ZNF257: variants seen among roughly 807,000 people sequenced by gnomAD.
ZNF257 encodes the protein zinc finger protein 257, also known as bone marrow zinc finger 4.
A neutral mutation model predicts 11.9 loss-of-function variants in ZNF257; 12 were observed. The ratio of observed to expected loss-of-function variants is 1.01; its 90% CI spans 0.65 to 1.63. The LOEUF (loss-of-function observed/expected upper bound fraction) is 1.63. Ranked by LOEUF, ZNF257 falls within the 40% of genes most tolerant of loss-of-function variation. ZNF257 has a pLI of 0.00. For missense variants in ZNF257, 580 were observed against 665.5 expected, an observed-to-expected ratio of 0.87 and a Z score of 1.41; for synonymous variants, 183 against 222.7, an observed-to-expected ratio of 0.82 and a Z score of 1.59.
rs764655818 is a variant in ZNF257 at position 22,089,226 on chromosome 19, T to C, written c.1476T>C (p.Cys492=). 2 of 1,613,904 alleles carry C rather than the reference T, an allele frequency of 1.2e-6. No homozygotes were observed. The highest frequency in any genetic ancestry group is 2.2e-5 in the East Asian group (1 of 44,864). ...TGEKPYKCEE[C]GKAFNRSSHL... is the part of the protein sequence containing the mutation. ...AGAAGCCCTACAAATGTGAAGAATG[T>C]GGCAAAGCCTTTAACCGGTCTTCAC... The change falls in exon 4 of 4, where the codon TGT becomes TGC. Residue 492 remains cysteine (C), a synonymous_variant. Transcript: ENST00000594947.
intron 3 of ZNF257, among the ~76,000 whole-genome samples, chr19:22,081,436 TTAAC>T (rs953445552): frequency 1.3e-5 from 2 of 152,110 alleles, no homozygotes; most frequent in African/African-American, 4.8e-5. Context: ...TTCAGCCTAT[TTAAC>T]TAAATTCTAA....
chr19:22,086,988 T>C (rs1741027427), intron 3 of ZNF257, among the ~76,000 whole-genome samples: 1 of 152,008 alleles, frequency 6.6e-6, no homozygotes, highest in Admixed American at 6.5e-5. Flanking sequence ...CTCTTTGTAT[T>C]ATTTACCTCC....
intron 1 of ZNF257, among the ~76,000 whole-genome samples, chr19:22,059,563 T>C (rs2021736152): frequency 1.3e-5 from 2 of 151,508 alleles, no homozygotes; most frequent in South Asian, 4.2e-4. Context: ...CTGGGATTAC[T>C]GTCTCTACAT....
At chr19:22,067,306 A>T (rs1290124056) in intron 1 of ZNF257, among the ~76,000 whole-genome samples, 3 of 152,066 alleles carry the variant, frequency 2.0e-5, no homozygotes, top group Non-Finnish European at 4.4e-5. Flanking sequence ...AAACCCAATC[A>T]GAGTAATATG....
At chr19:22,056,054 CA>C (rs139730834) in intron 1 of ZNF257, among the ~76,000 whole-genome samples, 25,509 of 116,430 alleles carry the variant, frequency 0.22, 2,470 homozygotes, top group African/African-American at 0.35. Context: ...GACTCCGTCT[CA>C]AAAAAAAAAA....
intron 1 of ZNF257, 117 bp from the exon 2 acceptor site, chr19:22,072,692 C>T (rs2022131155): frequency 2.4e-6 from 3 of 1,274,372 alleles, no homozygotes; most frequent in Non-Finnish European, 3.2e-6. Flanking sequence ...ATTTTGGTCA[C>T]TCCAATAAGG....
rs376879531 is a variant in ZNF257 at position 22,089,074 on chromosome 19, C to T, written c.1324C>T (p.Arg442Trp). Residue 442 changes from arginine (R) to tryptophan (W), a missense_variant, in exon 4 of 4, where the codon CGG (arginine) becomes TGG (tryptophan). Arg to Trp is a moderately radical substitution (Grantham distance 101). Transcript: ENST00000594947. ...KCEECGKAFN[R>W]SSYLIRHKII... ...TGAAGAGTGTGGCAAAGCCTTTAAC[C>T]GGTCTTCATACCTTATTCGACATAA... The T allele has an allele frequency of 3.5e-5, 56 of 1,612,916 alleles. No individual in the cohort carries two copies. The highest frequency in any genetic ancestry group is 3.3e-4 in the Middle Eastern group (2 of 6,064).
At chr19:22,056,066 A>AAAAG (rs2021628436) in intron 1 of ZNF257, among the ~76,000 whole-genome samples, 1 of 151,812 alleles carries the variant, frequency 6.6e-6, no homozygotes, top group African/African-American at 2.4e-5. Context: ...AAAAAAAAAA[A>AAAAG]AAAAAGAAAA....
chr19:22,069,128 A>G (rs1412478411), intron 1 of ZNF257, among the ~76,000 whole-genome samples: 1 of 152,132 alleles, frequency 6.6e-6, no homozygotes, highest in African/African-American at 2.4e-5. Flanking sequence ...GAACAGTTAA[A>G]CTAAATGCTT....
Position 22,088,362 on chromosome 19 carries a change from A to T in ZNF257, c.612A>T (p.Glu204Asp). The stretch of plus-strand genomic sequence containing the variant: ...TTAGAGAGAATTCCCACAAATGTGA[A>T]GAATGTGGCAAAGCCTTTAACCAGT... ...IHIRENSHKC[E>D]ECGKAFNQSS... Residue 204 changes from glutamate (E) to aspartate (D), a missense_variant, in exon 4 of 4, where the codon GAA becomes GAT. Physicochemically the swap from Glu to Asp is conservative, Grantham distance 45. Coordinates refer to ENST00000594947, the MANE Select transcript of ZNF257 (RefSeq NM_033468.4). The T allele has an allele frequency of 6.2e-7, 1 of 1,613,774 alleles. No individual in the cohort carries two copies. Among genetic ancestry groups the T allele is most frequent in the Non-Finnish European group, 8.5e-7 (1 of 1,179,848 alleles).
intron 1 of ZNF257, chr19:22,063,981 TTA>T (rs2021873491): frequency 6.6e-6 from 1 of 152,244 alleles, no homozygotes; most frequent in African/African-American, 2.4e-5. Flanking sequence ...TGTGTCAGAA[TTA>T]AAGTCTCTTC....
Position 22,088,844 on chromosome 19 carries a change from T to G in ZNF257, c.1094T>G (p.Ile365Ser), listed in dbSNP as rs970680330. ...TCACACCTTACTCAACATAAGATAA[T>G]TCATACTAAAGAGAAACCCTACAAA... Reference protein sequence around the residue: ...RSSHLTQHKIIHTKEKPYKCE... With the variant: ...RSSHLTQHKISHTKEKPYKCE... Residue 365 changes from isoleucine (I) to serine (S), a missense_variant, in exon 4 of 4, where the codon ATT (isoleucine) becomes AGT (serine). Transcript: ENST00000594947. 1.9e-6 allele frequency: 3 copies of G among 1,612,488 alleles called. No homozygotes were observed. In the African/African-American group the frequency reaches 4.0e-5, roughly 22 times the overall value.
Position 22,068,915 on chromosome 19 carries a change from A to G in ZNF257, c.4-3894A>G, listed in dbSNP as rs900662502. Among the ~76,000 whole-genome samples, 4 of 152,154 alleles carry G rather than the reference A, an allele frequency of 2.6e-5. No homozygotes were observed. In the East Asian group the frequency reaches 7.7e-4, roughly 29 times the overall value. On this transcript the variant is annotated intron_variant, in intron 1 of 3. Coordinates refer to ENST00000594947, the MANE Select transcript of ZNF257 (RefSeq NM_033468.4). ...GCACACGGTCACTGGGAATCCTCTCAGAATCACCTAGGTGTCTTTGAGACA... is the reference window on the plus strand; with the variant it reads ...GCACACGGTCACTGGGAATCCTCTCGGAATCACCTAGGTGTCTTTGAGACA...
rs1555756629 is a variant in ZNF257, at chr19:22,054,075, C to CCT, written c.3+1440_3+1441insCT. 3.3e-3 allele frequency among the ~76,000 whole-genome samples: 291 copies of CCT among 88,200 alleles called. 1 individual carries two copies. The highest frequency in any genetic ancestry group is 0.018 in the African/African-American group (238 of 13,038). The allele number at this position is 88,200 out of a possible 152,430, so 57.9% of individuals were successfully genotyped here. Reference sequence around the variant, plus strand: ...ACTAATTTTCCGCTGATTTGTTTTTCTTTTTTTTTTTTTTTAAGAAGGAGT... The same window carrying CCT: ...ACTAATTTTCCGCTGATTTGTTTTTCCTTTTTTTTTTTTTTTTAAGAAGGAGT... On this transcript the variant is annotated intron_variant, in intron 1 of 3. Transcript: ENST00000594947.
intron 1 of ZNF257, among the ~76,000 whole-genome samples, chr19:22,070,332 C>T (rs2022071454): frequency 6.7e-6 from 1 of 149,378 alleles, no homozygotes; most frequent in South Asian, 2.1e-4. Context: ...TTATTCTATA[C>T]ATTTTATAAA....
intron 1 of ZNF257, among the ~76,000 whole-genome samples, chr19:22,057,526 A>C (rs980752283): frequency 2.6e-5 from 4 of 152,102 alleles, no homozygotes; most frequent in Non-Finnish European, 5.9e-5. Context: ...AGAAGGTCTT[A>C]CTGAAGATGA....
intron 1 of ZNF257, among the ~76,000 whole-genome samples, chr19:22,058,008 C>T (rs928443678): frequency 3.9e-5 from 6 of 152,090 alleles, no homozygotes; most frequent in Non-Finnish European, 8.8e-5. Flanking sequence ...GTGATCCACC[C>T]ACCTCGGCCT....
intron 3 of ZNF257, 46 bp from the exon 4 acceptor site, chr19:22,087,931 C>T: frequency 7.0e-7 from 1 of 1,435,416 alleles, no homozygotes; most frequent in Non-Finnish European, 9.2e-7. Context: ...AAAATATTTA[C>T]CTGAGTCTAG....
intron 3 of ZNF257, among the ~76,000 whole-genome samples, chr19:22,086,507 G>A (rs1450923730): frequency 6.6e-6 from 1 of 151,744 alleles, no homozygotes; most frequent in Non-Finnish European, 1.5e-5. Context: ...TGTTTCCCAG[G>A]AACATGTATT....
Sources: allele counts gnomAD v4.1 joint callset (sites outside exome capture counted in the v4.1 genomes callset), GRCh38; gene constraint gnomAD v4.1.1; transcripts MANE v1.5; gene names NCBI Gene and HGNC (gene_info 2026-07-23, HGNC 2026-07-21).